DNAH9: variants seen among roughly 807,000 people sequenced by gnomAD.
DNAH9 encodes the protein DNAH9 variant protein.
In DNAH9, 345 loss-of-function variants were observed where a neutral mutation model predicts 471.6. The observed-to-expected ratio is 0.73, with a 90% CI of 0.67 to 0.80. The LOEUF is 0.80. DNAH9 is among the 30% of genes least tolerant of loss of function. The pLI is 0.00. For missense variants in DNAH9, 5,407 were observed against 5,609.2 expected, an observed-to-expected ratio of 0.96 and a Z score of 1.15; for synonymous variants, 2,093 against 2,123.6, an observed-to-expected ratio of 0.99 and a Z score of 0.40.
chr17:11,844,129 AG>A (rs1971132519), intron 49 of DNAH9, among the ~76,000 whole-genome samples: 2 of 151,666 alleles, frequency 1.3e-5, no homozygotes, highest in Non-Finnish European at 2.9e-5. Flanking sequence ...ACTTCTCAAA[AG>A]TTTTCAGATC....
chr17:11,678,082 G>T (rs1399094972), intron 17 of DNAH9, among the ~76,000 whole-genome samples: 3 of 151,782 alleles, frequency 2.0e-5, no homozygotes, highest in Non-Finnish European at 4.4e-5. Context: ...TTGAGATGCA[G>T]TCTCGCTCTG....
intron 61 of DNAH9, 77 bp downstream of exon 61, chr17:11,905,886 T>G: frequency 6.8e-7 from 1 of 1,472,940 alleles, no homozygotes; most frequent in Non-Finnish European, 9.0e-7. Context: ...TTGATTTCTC[T>G]TTTCTGGATT....
intron 67 of DNAH9, among the ~76,000 whole-genome samples, chr17:11,951,922 C>CAA (rs200475331): frequency 1.2e-3 from 134 of 109,250 alleles, no homozygotes; most frequent in East Asian, 7.2e-3. Flanking sequence ...AACTCCATCT[C>CAA]AAAAAAAAAA....
intron 38 of DNAH9, among the ~76,000 whole-genome samples, chr17:11,775,650 G>A (rs1335287819): frequency 1.5e-5 from 2 of 136,684 alleles, no homozygotes; most frequent in Non-Finnish European, 3.0e-5. Flanking sequence ...TGTCCCCCAG[G>A]CTGGAGTGCA....
rs759572741 is a variant in DNAH9 at position 11,610,525 on chromosome 17, T to C, written c.744T>C (p.Pro248=). Residue 248 remains proline (P), a synonymous_variant, in exon 3 of 69, where the codon CCT becomes CCC. Coordinates refer to ENST00000262442, the MANE Select transcript of DNAH9 (RefSeq NM_001372.4). ...TCTTACAAGGGGAGAATCCCACCCC[T>C]AAGGTGGAGTTGGAGTTCTGGAAGA... ...QPLLQGENPT[P]KVELEFWKSR... The C allele has an allele frequency of 3.7e-6, 6 of 1,612,836 alleles. No individual in the cohort carries two copies. In the Admixed American group the frequency reaches 1.0e-4, roughly 27 times the overall value.
chr17:11,656,045 C>G (rs947584461), intron 14 of DNAH9, among the ~76,000 whole-genome samples: 2 of 152,136 alleles, frequency 1.3e-5, no homozygotes, highest in Admixed American at 1.3e-4. Context: ...GTATCTTTTT[C>G]ATATAATGAC....
At position 11,598,726 on chromosome 17, in the gene DNAH9, C is replaced by G. The variant is rs925623546; in HGVS notation, c.228C>G (p.Pro76=). 16 of 1,389,800 alleles carry G rather than the reference C, an allele frequency of 1.2e-5. No homozygotes were observed. Among genetic ancestry groups the G allele is most frequent in the Admixed American group, 1.1e-4 (3 of 28,452 alleles). The allele number at this position is 1,389,800 out of a possible 1,614,324, so 86.1% of individuals were successfully genotyped here. The change falls in exon 1 of 69, where the codon CCC becomes CCG. Residue 76 remains proline (P), a synonymous_variant. Transcript: ENST00000262442. The part of the protein sequence containing the change: ...EGPRPLLVVR[P]GPRGLAIRPG... Reference sequence around the variant, plus strand: ...CGCGGCCGCTGCTGGTGGTGCGGCCCGGGCCCAGGGGCCTGGCAATACGCC... The same window carrying G: ...CGCGGCCGCTGCTGGTGGTGCGGCCGGGGCCCAGGGGCCTGGCAATACGCC...
intron 33 of DNAH9, among the ~76,000 whole-genome samples, chr17:11,755,687 TAC>T (rs375603663): frequency 8.2e-4 from 121 of 147,496 alleles, no homozygotes; most frequent in South Asian, 1.3e-3. Context: ...TCAACACACA[TAC>T]ACACACACAC....
intron 52 of DNAH9, among the ~76,000 whole-genome samples, chr17:11,874,724 G>A (rs1014952369): frequency 1.1e-4 from 16 of 151,290 alleles, no homozygotes; most frequent in Non-Finnish European, 2.1e-4. Flanking sequence ...AGTCACACGA[G>A]TTGAATTTCT....
chr17:11,954,980 A>T (rs1216782487), intron 67 of DNAH9, among the ~76,000 whole-genome samples: 1 of 152,196 alleles, frequency 6.6e-6, no homozygotes, highest in Non-Finnish European at 1.5e-5. Context: ...GTGGGCTTTA[A>T]GCATATGTAA....
chr17:11,638,945 T>C (rs1187033086), intron 9 of DNAH9, among the ~76,000 whole-genome samples: 4 of 152,206 alleles, frequency 2.6e-5, no homozygotes, highest in Non-Finnish European at 5.9e-5. Flanking sequence ...TTCATTACCA[T>C]GTAGCCACCT....
intron 32 of DNAH9, 39 bp downstream of exon 32, chr17:11,747,805 C>T: frequency 6.4e-7 from 1 of 1,557,216 alleles, no homozygotes; most frequent in East Asian, 2.2e-5. Flanking sequence ...TCTCTGCTAG[C>T]CTCAGAGTCC....
At chr17:11,765,224 C>T (rs865830315) in intron 36 of DNAH9, among the ~76,000 whole-genome samples, 2 of 152,142 alleles carry the variant, frequency 1.3e-5, no homozygotes, top group South Asian at 4.1e-4. Flanking sequence ...TATTACTATT[C>T]TTCTAGTAAA....
chr17:11,900,503 C>CAAAAA (rs71367356), intron 59 of DNAH9, among the ~76,000 whole-genome samples: 17,467 of 107,780 alleles, frequency 0.16, 1,606 homozygotes, highest in African/African-American at 0.21. Flanking sequence ...CTTCCCCTGC[C>CAAAAA]AAAAAAAAAA....
chr17:11,922,090 C>T (rs899730302), intron 61 of DNAH9, among the ~76,000 whole-genome samples: 6 of 152,138 alleles, frequency 3.9e-5, no homozygotes, highest in African/African-American at 1.2e-4. Context: ...AATTTAATAA[C>T]GGTGTTTCTT....
At chr17:11,865,251 A>C (rs1972001580) in intron 50 of DNAH9, among the ~76,000 whole-genome samples, 1 of 151,996 alleles carries the variant, frequency 6.6e-6, no homozygotes, top group Admixed American at 6.6e-5. Context: ...CTTATCTGTA[A>C]AGTATTTTAT....
At chr17:11,881,587 G>A (rs1972723720) in intron 55 of DNAH9, among the ~76,000 whole-genome samples, 174 bp downstream of exon 55, 1 of 152,120 alleles carries the variant, frequency 6.6e-6, no homozygotes, top group Non-Finnish European at 1.5e-5. Flanking sequence ...GGGGAAAGAA[G>A]GATGGGTGAG....
At chr17:11,803,540 C>A (rs1193419224) in intron 43 of DNAH9, among the ~76,000 whole-genome samples, 1 of 152,190 alleles carries the variant, frequency 6.6e-6, no homozygotes, top group East Asian at 1.9e-4. Context: ...GTTTTCTGGC[C>A]CAGGAGCACT....
chr17:11,719,748 C>G (rs2150802298), intron 27 of DNAH9, among the ~76,000 whole-genome samples: 1 of 152,308 alleles, frequency 6.6e-6, no homozygotes. Flanking sequence ...GCTCTGACCA[C>G]AGATGGCTGA....
Sources: gnomAD v4.1 joint callset for allele counts (sites outside exome capture counted in the v4.1 genomes callset) on GRCh38, gnomAD v4.1.1 for gene constraint, MANE v1.5 for transcripts, NCBI Gene and HGNC (gene_info 2026-07-23, HGNC 2026-07-21) for gene names.